The following CFTR variants were observed in gnomAD, a reference collection of about 807,000 sequenced individuals.
CFTR encodes the protein CF transmembrane conductance regulator, also known as cystic fibrosis transmembrane conductance regulator.
In CFTR, 181 loss-of-function variants were observed where a neutral mutation model predicts 171.6. The ratio of observed to expected loss-of-function variants is 1.05; its 90% CI spans 0.93 to 1.19. The LOEUF is 1.19. Among genes scored for constraint, CFTR ranks in the 50% most tolerant of loss-of-function variants. The probability of loss-of-function intolerance (pLI) is 0.00; values close to 1 mark genes in which losing one functional copy is unlikely to be tolerated. For synonymous variants in CFTR, 583 were observed against 608.0 expected, an observed-to-expected ratio of 0.96 and a Z score of 0.60; for missense variants, 1,968 against 1,734.7, an observed-to-expected ratio of 1.13 and a Z score of -2.39.
chr7:117,611,922 C>A, intron 20 of CFTR, 114 bp downstream of exon 20: 1 of 677,684 alleles, frequency 1.5e-6, no homozygotes, highest in South Asian at 1.9e-5. Flanking sequence ...TAGTAATTAA[C>A]AAATTTGTTG....
intron 18 of CFTR, among the ~76,000 whole-genome samples, chr7:117,609,307 C>G (rs1432208620): frequency 1.3e-5 from 2 of 152,252 alleles, no homozygotes; most frequent in East Asian, 3.9e-4. Context: ...AGATTTGTCA[C>G]TTGTAGAATG....
In CFTR at chr7:117,540,307, A is replaced by G. The variant is rs761324191; in HGVS notation, c.1077A>G (p.Gln359=). Residue 359 remains glutamine, a synonymous_variant, in exon 8 of 27, where the codon CAA becomes CAG. Coordinates refer to ENST00000003084, the MANE Select transcript of CFTR (RefSeq NM_000492.4). The part of the protein sequence containing the change: ...AVTRQFPWAV[Q]TWYDSLGAIN... ...CTCGGCAATTTCCCTGGGCTGTACA[A>G]ACATGGTATGACTCTCTTGGAGCAA... The G allele has an allele frequency of 2.5e-6, 4 of 1,614,002 alleles. No homozygotes were observed. Among genetic ancestry groups the G allele is most frequent in the Non-Finnish European group, 3.4e-6 (4 of 1,179,864 alleles).
intron 23 of CFTR, among the ~76,000 whole-genome samples, chr7:117,649,497 GTATA>G (rs755073383): frequency 3.4e-4 from 47 of 139,374 alleles, no homozygotes; most frequent in African/African-American, 7.4e-4. Context: ...GTGTGTGTGT[GTATA>G]TATATATATA....
At chr7:117,583,744 C>A (rs1265175850) in intron 11 of CFTR, among the ~76,000 whole-genome samples, 6 of 152,012 alleles carry the variant, frequency 3.9e-5, no homozygotes, top group Non-Finnish European at 7.4e-5. Flanking sequence ...TTTAAGGAAT[C>A]TCCATACTGT....
At chr7:117,581,861 C>A (rs1351941030) in intron 11 of CFTR, among the ~76,000 whole-genome samples, 2 of 152,052 alleles carry the variant, frequency 1.3e-5, no homozygotes, top group African/African-American at 4.8e-5. Flanking sequence ...AGCGATCCTC[C>A]CACCTCTCAA....
At chr7:117,582,973 G>A (rs1791870233) in intron 11 of CFTR, among the ~76,000 whole-genome samples, 1 of 151,966 alleles carries the variant, frequency 6.6e-6, no homozygotes, top group Non-Finnish European at 1.5e-5. Flanking sequence ...TTATTCATAT[G>A]GGAAAGAAGG....
intron 11 of CFTR, among the ~76,000 whole-genome samples, chr7:117,567,474 C>T (rs759514462): frequency 2.2e-4 from 33 of 152,118 alleles, no homozygotes; most frequent in Non-Finnish European, 4.3e-4. Flanking sequence ...ATTGTATTCC[C>T]ATTATTATAT....
chr7:117,533,015 C>T (rs773933506), intron 4 of CFTR, among the ~76,000 whole-genome samples: 1 of 152,180 alleles, frequency 6.6e-6, no homozygotes, highest in Admixed American at 6.5e-5. Context: ...AATTCTGCAA[C>T]ATTTTACTTT....
intron 22 of CFTR, among the ~76,000 whole-genome samples, chr7:117,628,943 G>A (rs567005824): frequency 6.6e-6 from 1 of 151,980 alleles, no homozygotes; most frequent in Non-Finnish European, 1.5e-5. Flanking sequence ...GTATAAACCT[G>A]GTAGAAAGCC....
At chr7:117,610,295 G>T in intron 18 of CFTR, among the ~76,000 whole-genome samples, 1 of 148,660 alleles carries the variant, frequency 6.7e-6, no homozygotes, top group East Asian at 2.0e-4. Flanking sequence ...TAGATGACGA[G>T]TTAGTGGGTG....
At chr7:117,599,900 A>G (rs892816903) in intron 15 of CFTR, among the ~76,000 whole-genome samples, 1 of 152,074 alleles carries the variant, frequency 6.6e-6, no homozygotes, top group Non-Finnish European at 1.5e-5. Context: ...CTAATCCAGG[A>G]TGACAGTTTA....
intron 9 of CFTR, among the ~76,000 whole-genome samples, chr7:117,543,344 A>C (rs1030082089): frequency 6.6e-6 from 1 of 152,170 alleles, no homozygotes; most frequent in African/African-American, 2.4e-5. Context: ...TGATTTTAGG[A>C]ATTTCAAGTG....
chr7:117,530,940 C>G lies in CFTR; in HGVS notation c.315C>G (p.Ile105Met). The stretch of plus-strand genomic sequence containing the variant: ...TACAGCCTCTCTTACTGGGAAGAAT[C>G]ATAGCTTCCTATGACCCGGATAACA... ...KAVQPLLLGR[I>M]IASYDPDNKE... Residue 105 changes from isoleucine (I) to methionine (M), a missense_variant, in exon 4 of 27, where the codon ATC (isoleucine) becomes ATG (methionine). Physicochemically the swap from Ile to Met is conservative, Grantham distance 10. Coordinates refer to ENST00000003084, the MANE Select transcript of CFTR (RefSeq NM_000492.4). 3.1e-6 allele frequency: 5 copies of G among 1,613,714 alleles called. No individual in the cohort carries two copies. Among genetic ancestry groups the G allele is most frequent in the Non-Finnish European group, 4.2e-6 (5 of 1,179,774 alleles).
chr7:117,508,436 A>G (rs765016973), intron 2 of CFTR, among the ~76,000 whole-genome samples: 1 of 152,138 alleles, frequency 6.6e-6, no homozygotes, highest in Admixed American at 6.5e-5. Context: ...ATATAATTTG[A>G]TCTTGTTCTC....
At position 117,592,396 on chromosome 7, in the gene CFTR, G is replaced by A. The variant is rs1423544819; in HGVS notation, c.2229G>A (p.Glu743=). The A allele has an allele frequency of 1.9e-6, 3 of 1,613,818 alleles. No individual in the cohort carries two copies. The highest frequency in any genetic ancestry group is 2.7e-5 in the African/African-American group (2 of 74,916). The change falls in exon 14 of 27, where the codon GAG becomes GAA. Residue 743 remains glutamate (E), a synonymous_variant. Coordinates refer to ENST00000003084, the MANE Select transcript of CFTR (RefSeq NM_000492.4). ...ERRLSLVPDS[E]QGEAILPRIS... ...GGCTGTCCTTAGTACCAGATTCTGAGCAGGGAGAGGCGATACTGCCTCGCA... is the reference window on the plus strand; with the variant it reads ...GGCTGTCCTTAGTACCAGATTCTGAACAGGGAGAGGCGATACTGCCTCGCA...
rs1413128127 is a variant in CFTR at position 117,519,382 on chromosome 7, A to G, written c.273+10240A>G. Among the ~76,000 whole-genome samples the G allele has an allele frequency of 6.6e-6, 1 of 152,072 alleles. No individual in the cohort carries two copies. Among genetic ancestry groups the G allele is most frequent in the Non-Finnish European group, 1.5e-5 (1 of 67,954 alleles). On this transcript the variant is annotated intron_variant, in intron 3 of 26. Transcript: ENST00000003084. Reference sequence around the variant, plus strand: ...CTGTATCAAAATAGACAAAAAATTGACACTCACTTTTACCCTGCCAAAAGC... The same window carrying G: ...CTGTATCAAAATAGACAAAAAATTGGCACTCACTTTTACCCTGCCAAAAGC...
At chr7:117,622,692 T>G (rs539828951) in intron 21 of CFTR, among the ~76,000 whole-genome samples, 1 of 152,288 alleles carries the variant, frequency 6.6e-6, no homozygotes, top group East Asian at 1.9e-4. Context: ...CTAATCTTGA[T>G]GTACTGGCTT....
At chr7:117,568,890 C>T (rs1791644266) in intron 11 of CFTR, among the ~76,000 whole-genome samples, 1 of 152,222 alleles carries the variant, frequency 6.6e-6, no homozygotes, top group African/African-American at 2.4e-5. Context: ...CTTTGACCAA[C>T]ATCTTCCCAT....
chr7:117,557,097 T>C (rs1437916074), intron 10 of CFTR, among the ~76,000 whole-genome samples: 1 of 152,196 alleles, frequency 6.6e-6, no homozygotes, highest in Admixed American at 6.5e-5. Flanking sequence ...ACTTTAGCTG[T>C]ATATTATGTA....
Sources: gnomAD v4.1 joint callset for allele counts (sites outside exome capture counted in the v4.1 genomes callset) on GRCh38, gnomAD v4.1.1 for gene constraint, MANE v1.5 for transcripts, NCBI Gene and HGNC (gene_info 2026-07-23, HGNC 2026-07-21) for gene names.